The following GFAP variants were observed in gnomAD, a reference collection of about 807,000 sequenced individuals.
GFAP encodes glial fibrillary acidic protein, also known as intermediate filament protein.
A neutral mutation model predicts 49.3 loss-of-function variants in GFAP; 38 were observed. The observed-to-expected ratio is 0.77, with a 90% CI of 0.60 to 1.01. The LOEUF (loss-of-function observed/expected upper bound fraction) is 1.01. Among genes scored for constraint, GFAP ranks in the 50% least tolerant of loss-of-function variants. GFAP has a pLI of 0.00. For missense variants in GFAP, 463 were observed against 579.1 expected, an observed-to-expected ratio of 0.80 and a Z score of 2.06; for synonymous variants, 222 against 236.4, an observed-to-expected ratio of 0.94 and a Z score of 0.56.
Position 44,906,040 on chromosome 17 carries a change from C to A in GFAP, c.*1307G>T, listed in dbSNP as rs1409427279. 1 of 152,248 alleles carries A rather than the reference C, an allele frequency of 6.6e-6. No individual in the cohort carries two copies. The highest frequency in any genetic ancestry group is 1.5e-5 in the Non-Finnish European group (1 of 68,070). The allele number at this position is 152,248 out of a possible 1,614,324, so 9.4% of individuals were successfully genotyped here. A position where few individuals can be genotyped will look rare whatever the true frequency, so the allele number is the denominator to read the frequency against. On this transcript the variant is annotated 3_prime_UTR_variant, in exon 9 of 9. Coordinates refer to ENST00000588735, the MANE Select transcript of GFAP (RefSeq NM_002055.5). ...CATTTTGTGTGTGAGTAAGAAGGGA[C>A]CGCAAGAGGCCCTTGGCTTAGGGAA...
At chr17:44,910,203 A>T in intron 7 of GFAP, 1 of 1,613,900 alleles carries the variant, frequency 6.2e-7, no homozygotes, top group Non-Finnish European at 8.5e-7. Flanking sequence ...TCGTATTGTG[A>T]GGCTTTTGAG....
Position 44,904,643 on chromosome 17 carries a change from G to T in GFAP, c.*2704C>A. The T allele has an allele frequency of 6.4e-7, 1 of 1,550,536 alleles. No individual in the cohort carries two copies. The highest frequency in any genetic ancestry group is 1.2e-5 in the South Asian group (1 of 84,060). ...GGGCAGCCGGCCCTGGGTGCCCCAG[G>T]TGCCCATTCAGTTCCACCAGCAGAG... On this transcript the variant is annotated 3_prime_UTR_variant, in exon 9 of 9. Coordinates refer to ENST00000588735, the MANE Select transcript of GFAP (RefSeq NM_002055.5).
At position 44,915,125 on chromosome 17, in the gene GFAP, C is replaced by A; in HGVS notation, c.362G>T (p.Arg121Leu). 1 of 1,614,040 alleles carries A rather than the reference C, an allele frequency of 6.2e-7. No individual in the cohort carries two copies. The change falls in exon 1 of 9, where the codon CGA becomes CTA. Residue 121 changes from arginine to leucine, a missense_variant. Physicochemically the swap from Arg to Leu is moderately radical, Grantham distance 102 (BLOSUM62 -2). This residue lies in a region of GFAP where 362 missense variants were observed against 445.5 expected (regional missense o/e 0.81). Transcript: ENST00000588735. This position sits in a 1 kb window ranked among gnomAD's most constrained non-coding sequence, Gnocchi z 4.1. ...KLADVYQAEL[R>L]ELRLRLDQLT... ...TTGATCGAGCCGCAGCCGCAGCTCT[C>A]GCAGCTCAGCCTGGTAGACGTCTGC...
At chr17:44,914,365 G>GCACA (rs764855112) in intron 1 of GFAP, 11 of 473,686 alleles carry the variant, frequency 2.3e-5, no homozygotes, top group East Asian at 7.3e-5. Flanking sequence ...ACTCACTGTT[G>GCACA]CACACACACA....
chr17:44,914,715 C>A, intron 1 of GFAP: 1 of 448,376 alleles, frequency 2.2e-6, no homozygotes, highest in East Asian at 4.4e-5. Context: ...GCTCGCTGCC[C>A]ACAGTCACAA....
chr17:44,903,653 A>G lies in GFAP; in HGVS notation c.*3694T>C. ...TGTTAGAAGGGCATCTTGTACATCC[A>G]CTGGGAATAAATTGCCTTGCACTTG... is the stretch of plus-strand genomic sequence containing the variant. On this transcript the variant is annotated 3_prime_UTR_variant, in exon 9 of 9. Transcript: ENST00000588735. 1 of 1,433,082 alleles carries G rather than the reference A, an allele frequency of 7.0e-7. No individual in the cohort carries two copies. The highest frequency in any genetic ancestry group is 1.5e-5 in the South Asian group (1 of 65,752). The allele number at this position is 1,433,082 out of a possible 1,614,324, so 88.8% of individuals were successfully genotyped here. A position where few individuals can be genotyped will look rare whatever the true frequency, so the allele number is the denominator to read the frequency against.
Position 44,904,715 on chromosome 17 carries a change from C to T in GFAP, c.*2632G>A. The T allele has an allele frequency of 1.9e-6, 3 of 1,550,588 alleles. No individual in the cohort carries two copies. Among genetic ancestry groups the T allele is most frequent in the Non-Finnish European group, 2.6e-6 (3 of 1,146,998 alleles). On this transcript the variant is annotated 3_prime_UTR_variant, in exon 9 of 9. Transcript: ENST00000588735. ...CTCCTGTCCTGGGGCCCGGCCAGAG[C>T]ATGCAGTGGCCTGGGACAAAGACCG...
chr17:44,903,658 G>T lies in GFAP; in HGVS notation c.*3689C>A. The T allele has an allele frequency of 7.0e-7, 1 of 1,433,706 alleles. No homozygotes were observed. The highest frequency in any genetic ancestry group is 1.4e-5 in the African/African-American group (1 of 69,790). The allele number at this position is 1,433,706 out of a possible 1,614,324, so 88.8% of individuals were successfully genotyped here. ...GAAGGGCATCTTGTACATCCACTGG[G>T]AATAAATTGCCTTGCACTTGGCGGC... On this transcript the variant is annotated 3_prime_UTR_variant, in exon 9 of 9. Transcript: ENST00000588735.
Position 44,906,978 on chromosome 17 carries a change from AAC to A in GFAP, c.*367_*368del, listed in dbSNP as rs1447512256. 5.3e-5 allele frequency: 18 copies of A among 341,856 alleles called. No individual in the cohort carries two copies. The highest frequency in any genetic ancestry group is 5.1e-4 in the Admixed American group (13 of 25,552). 21.2% of individuals were successfully genotyped at this position (341,856 alleles called of 1,614,324 possible). A position where few individuals can be genotyped will look rare whatever the true frequency, so the allele number is the denominator to read the frequency against. On this transcript the variant is annotated 3_prime_UTR_variant, in exon 9 of 9. Coordinates refer to ENST00000588735, the MANE Select transcript of GFAP (RefSeq NM_002055.5). ...CTCCGAGAGAACCTCCATCTCTGGC[AAC>A]AGTTTCCATAACAACAGGAATCAGG...
At position 44,913,302 on chromosome 17, in the gene GFAP, G is replaced by T. The variant is rs2051815619; in HGVS notation, c.747C>A (p.Asn249Lys). ...GGTACCACTCTTCGGCTTCATGCAT[G>T]TTGCTGGACGCCATTGCCTCATACT... is the stretch of plus-strand genomic sequence containing the variant. ...RTQYEAMASS[N>K]MHEAEEWYRS... is the part of the protein sequence containing the mutation. Residue 249 changes from asparagine (N) to lysine (K), a missense_variant, in exon 4 of 9, where the codon AAC (asparagine) becomes AAA (lysine). This residue lies in a region of GFAP where 362 missense variants were observed against 445.5 expected (regional missense o/e 0.81). Coordinates refer to ENST00000588735, the MANE Select transcript of GFAP (RefSeq NM_002055.5). 2 of 1,614,208 alleles carry T rather than the reference G, an allele frequency of 1.2e-6. No individual in the cohort carries two copies. The highest frequency in any genetic ancestry group is 1.7e-6 in the Non-Finnish European group (2 of 1,180,030).
At chr17:44,907,429 G>A (rs765577174) in intron 8 of GFAP, 41 bp from the exon 9 acceptor site, 16 of 1,412,830 alleles carry the variant, frequency 1.1e-5, no homozygotes, top group Non-Finnish European at 1.6e-5. Flanking sequence ...ACAGTTAGGA[G>A]TTCACACAGA....
chr17:44,915,170 G>A lies in GFAP; in HGVS notation c.317C>T (p.Ala106Val). The change falls in exon 1 of 9, where the codon GCC becomes GTC. Residue 106 changes from alanine (A) to valine (V), a missense_variant. Coordinates refer to ENST00000588735, the MANE Select transcript of GFAP (RefSeq NM_002055.5). The surrounding 1 kb of genome is among the most constrained non-coding windows in gnomAD (Gnocchi z 4.1). The part of the protein sequence containing the change: ...ALAAELNQLR[A>V]KEPTKLADVY... ...GTCTGCCAGCTTGGTGGGCTCCTTGGCCCGCAGCTGGTTCAGCTCAGCAGC... is the reference window on the plus strand; with the variant it reads ...GTCTGCCAGCTTGGTGGGCTCCTTGACCCGCAGCTGGTTCAGCTCAGCAGC... 6.2e-7 allele frequency: 1 copy of A among 1,614,176 alleles called. No individual in the cohort carries two copies. The highest frequency in any genetic ancestry group is 1.3e-5 in the African/African-American group (1 of 75,046).
At chr17:44,908,009 C>A (rs1233002249) in intron 8 of GFAP, 55 bp downstream of exon 8, 3 of 1,241,458 alleles carry the variant, frequency 2.4e-6, no homozygotes, top group African/African-American at 1.5e-5. Context: ...CATGGCCTGG[C>A]CTTGAGAATC....
Position 44,904,593 on chromosome 17 carries a change from C to T in GFAP, c.*2754G>A. On this transcript the variant is annotated 3_prime_UTR_variant, in exon 9 of 9. Coordinates refer to ENST00000588735, the MANE Select transcript of GFAP (RefSeq NM_002055.5). ...AAGACCATCCGGGAGGGCGTGCTGG[C>T]CATCATTAACTATGTGTCCAAAGTG... 1.3e-6 allele frequency: 2 copies of T among 1,550,564 alleles called. No individual in the cohort carries two copies. Among genetic ancestry groups the T allele is most frequent in the Middle Eastern group, 1.7e-4 (1 of 5,992 alleles).
chr17:44,908,194 T>C (rs1302793838), intron 7 of GFAP, 45 bp from the exon 8 acceptor site: 2 of 1,343,322 alleles, frequency 1.5e-6, no homozygotes, highest in African/African-American at 1.4e-5. Flanking sequence ...TTTCAGGGCA[T>C]GAGCCATCCT....
At chr17:44,912,145 C>T (rs1302006669) in intron 4 of GFAP, among the ~76,000 whole-genome samples, 1 of 151,644 alleles carries the variant, frequency 6.6e-6, no homozygotes, top group African/African-American at 2.4e-5. Flanking sequence ...TATTTTGAGA[C>T]AGAGTCTTGC....
rs1033187001 is a variant in GFAP at position 44,907,502 on chromosome 17, T to C, written c.1258-114A>G. 4 of 766,874 alleles carry C rather than the reference T, an allele frequency of 5.2e-6. No individual in the cohort carries two copies. In the African/African-American group the frequency reaches 6.9e-5, roughly 13 times the overall value. 47.5% of individuals were successfully genotyped at this position (766,874 alleles called of 1,614,324 possible). A position where few individuals can be genotyped will look rare whatever the true frequency, so the allele number is the denominator to read the frequency against. ...AAGTCCCCGACTTCCCAGGTCTTAC[T>C]TTTCTTGATAGTAACCACAGCTGCC... is the stretch of plus-strand genomic sequence containing the variant. On this transcript the variant is annotated intron_variant, in intron 8 of 8. Coordinates refer to ENST00000588735, the MANE Select transcript of GFAP (RefSeq NM_002055.5).
chr17:44,913,719 T>C lies in GFAP; in HGVS notation c.618+9A>G, dbSNP rs1342169418. On this transcript the variant is annotated intron_variant, in intron 3 of 8. Coordinates refer to ENST00000588735, the MANE Select transcript of GFAP (RefSeq NM_002055.5). ...GTGTTGAGCTTTCCTCCCTCTGCCC[T>C]GGCCTCACCTCCTCGTGGATCTTCC... is the stretch of plus-strand genomic sequence containing the variant. 3 of 1,600,098 alleles carry C rather than the reference T, an allele frequency of 1.9e-6. No individual in the cohort carries two copies. Among genetic ancestry groups the C allele is most frequent in the Non-Finnish European group, 2.6e-6 (3 of 1,167,260 alleles).
chr17:44,908,918 GAAGGAAGA>G (rs57753060), intron 7 of GFAP: 21,923 of 146,710 alleles, frequency 0.15, 1,797 homozygotes, highest in Middle Eastern at 0.27. Flanking sequence ...AGGAAGGAAG[GAAGGAAGA>G]AAGAAAGAAA....
Sources: gnomAD v4.1 joint callset for allele counts (sites outside exome capture counted in the v4.1 genomes callset) on GRCh38, gnomAD v4.1.1 for gene constraint, gnomAD v4.1.1 regional missense constraint, Gnocchi (gnomAD v3.1) non-coding constraint, MANE v1.5 for transcripts, NCBI Gene and HGNC (gene_info 2026-07-23, HGNC 2026-07-21) for gene names.